The following NRG3 variants were observed in gnomAD, a reference collection of about 807,000 sequenced individuals.
NRG3 encodes neuregulin 3, also known as pro-neuregulin-3, membrane-bound isoform.
Under a neutral mutation model 66.9 loss-of-function variants are expected in NRG3, and 31 were observed. The ratio of observed to expected loss-of-function variants is 0.46; its 90% CI spans 0.35 to 0.63. The LOEUF is 0.63. Ranked by LOEUF, NRG3 falls within the 20% of genes least tolerant of loss-of-function variation. NRG3 has a pLI of 0.00. For synonymous variants in NRG3, 393 were observed against 359.4 expected, an observed-to-expected ratio of 1.09 and a Z score of -1.06; for missense variants, 910 against 878.9, an observed-to-expected ratio of 1.04 and a Z score of -0.45.
Position 82,607,049 on chromosome 10 carries a change from A to G in NRG3, c.954-131528A>G, listed in dbSNP as rs1460959166. On this transcript the variant is annotated intron_variant, in intron 2 of 8. Transcript: ENST00000372141. ...TCCTGTCTCCTTGTTTGACTGTCCT[A>G]CAATTATTAAACGCTTTCTCTGCTG... 2.0e-5 allele frequency among the ~76,000 whole-genome samples: 3 copies of G among 152,204 alleles called. No individual in the cohort carries two copies. In the South Asian group the frequency reaches 6.2e-4, roughly 32 times the overall value.
chr10:82,372,042 C>T (rs1418169500), intron 2 of NRG3, among the ~76,000 whole-genome samples: 1 of 152,110 alleles, frequency 6.6e-6, no homozygotes, highest in Non-Finnish European at 1.5e-5. Flanking sequence ...CTCATATGTA[C>T]ATAGAAGATT....
intron 2 of NRG3, among the ~76,000 whole-genome samples, chr10:82,471,235 T>C (rs143456639): frequency 9.6e-4 from 146 of 152,202 alleles, no homozygotes; most frequent in African/African-American, 3.3e-3. Context: ...ACCTCACAGA[T>C]TGAAACCCAT....
rs533867362 is a variant in NRG3, at chr10:82,404,448, G to A, written c.953+45580G>A. 3.3e-5 allele frequency among the ~76,000 whole-genome samples: 5 copies of A among 152,234 alleles called. No individual in the cohort carries two copies. The East Asian group carries it at 9.7e-4, about 29-fold the overall frequency. On this transcript the variant is annotated intron_variant, in intron 2 of 8. Coordinates refer to ENST00000372141, the MANE Select transcript of NRG3 (RefSeq NM_001010848.4). ...CAATTTTACAGCCAGTCCATGTGAG[G>A]CACAGCCTTGCCAAAGTTACATGAC...
intron 3 of NRG3, among the ~76,000 whole-genome samples, chr10:82,851,386 G>A (rs1010626007): frequency 6.6e-6 from 1 of 152,074 alleles, no homozygotes; most frequent in Admixed American, 6.6e-5. Context: ...TGGAGCAGGA[G>A]GCAGGGAAAG....
At chr10:82,202,809 G>A (rs1262923380) in intron 1 of NRG3, among the ~76,000 whole-genome samples, 1 of 152,140 alleles carries the variant, frequency 6.6e-6, no homozygotes, top group African/African-American at 2.4e-5. Flanking sequence ...GCATTGTCTT[G>A]TAAAAGGAGG....
chr10:82,479,848 G>T (rs189573254), intron 2 of NRG3, among the ~76,000 whole-genome samples: 2,075 of 151,544 alleles, frequency 0.014, 19 homozygotes, highest in Non-Finnish European at 0.021. Context: ...GGCGCCTGCA[G>T]TCCCAGCTAC....
intron 1 of NRG3, among the ~76,000 whole-genome samples, chr10:82,096,577 AG>A (rs1227261946): frequency 2.0e-5 from 3 of 152,206 alleles, no homozygotes; most frequent in Admixed American, 2.0e-4. Flanking sequence ...CAAGAAAAAG[AG>A]ATGAACAAAG....
chr10:82,554,495 G>C (rs1490216264), intron 2 of NRG3, among the ~76,000 whole-genome samples: 1 of 152,072 alleles, frequency 6.6e-6, no homozygotes, highest in Non-Finnish European at 1.5e-5. Context: ...GTTTAAACTG[G>C]GATAGAATCT....
At chr10:82,033,489 A>C (rs1196307624) in intron 1 of NRG3, among the ~76,000 whole-genome samples, 1 of 152,156 alleles carries the variant, frequency 6.6e-6, no homozygotes, top group Non-Finnish European at 1.5e-5. Context: ...GTCTCTATAC[A>C]TGGCATTATA....
At chr10:82,421,706 G>A (rs1249498101) in intron 2 of NRG3, among the ~76,000 whole-genome samples, 6 of 152,020 alleles carry the variant, frequency 3.9e-5, no homozygotes, top group African/African-American at 1.4e-4. Context: ...ACTGGGCTAA[G>A]CCCCAGTTCT....
intron 6 of NRG3, among the ~76,000 whole-genome samples, chr10:82,964,129 A>G (rs1850954896): frequency 6.6e-6 from 1 of 152,226 alleles, no homozygotes; most frequent in Non-Finnish European, 1.5e-5. Context: ...TAGACTAAAG[A>G]GCCTACTAAG....
chr10:81,947,291 C>A (rs928223757), intron 1 of NRG3, among the ~76,000 whole-genome samples: 3 of 152,104 alleles, frequency 2.0e-5, no homozygotes, highest in Non-Finnish European at 4.4e-5. Flanking sequence ...ACTCCAGCAA[C>A]CTCATTTTAA....
At chr10:82,231,789 C>A (rs1212850694) in intron 1 of NRG3, among the ~76,000 whole-genome samples, 3 of 152,110 alleles carry the variant, frequency 2.0e-5, no homozygotes, top group African/African-American at 7.2e-5. Context: ...TGATTGATTT[C>A]AAAATGTTAC....
intron 2 of NRG3, among the ~76,000 whole-genome samples, chr10:82,706,540 T>A (rs575152617): frequency 6.6e-6 from 1 of 152,052 alleles, no homozygotes; most frequent in Non-Finnish European, 1.5e-5. Flanking sequence ...TACTTGTATA[T>A]TTTTTTCACA....
At chr10:82,215,336 G>A (rs2075611170) in intron 1 of NRG3, among the ~76,000 whole-genome samples, 1 of 152,142 alleles carries the variant, frequency 6.6e-6, no homozygotes, top group South Asian at 2.1e-4. Context: ...AAAATATTCA[G>A]ATGCTATTCT....
chr10:81,913,033 C>A (rs377531031), intron 1 of NRG3, among the ~76,000 whole-genome samples: 1 of 151,950 alleles, frequency 6.6e-6, no homozygotes, highest in African/African-American at 2.4e-5. Context: ...TTTTAATTTC[C>A]AAATCTTTAA....
chr10:82,291,362 G>A (rs2079736574), intron 1 of NRG3, among the ~76,000 whole-genome samples: 1 of 152,112 alleles, frequency 6.6e-6, no homozygotes, highest in Admixed American at 6.5e-5. Flanking sequence ...AATAATTGGA[G>A]AGACATATGG....
intron 1 of NRG3, among the ~76,000 whole-genome samples, chr10:82,141,971 C>A (rs147264390): frequency 6.6e-6 from 1 of 152,224 alleles, no homozygotes; most frequent in Non-Finnish European, 1.5e-5. Flanking sequence ...GCCAAAGGTT[C>A]TCACATTTTA....
chr10:82,334,220 G>T (rs2135310580), intron 1 of NRG3, among the ~76,000 whole-genome samples: 1 of 152,176 alleles, frequency 6.6e-6, no homozygotes, highest in Non-Finnish European at 1.5e-5. Flanking sequence ...CATGGTCAGG[G>T]ATGTGTAAAT....
Sources: gnomAD v4.1 joint callset for allele counts (sites outside exome capture counted in the v4.1 genomes callset) on GRCh38, gnomAD v4.1.1 for gene constraint, MANE v1.5 for transcripts, NCBI Gene and HGNC (gene_info 2026-07-23, HGNC 2026-07-21) for gene names.